FAT3: variants seen among roughly 807,000 people sequenced by gnomAD.
FAT3 encodes FAT atypical cadherin 3.
A neutral mutation model predicts 310.2 loss-of-function variants in FAT3; 95 were observed. The ratio of observed to expected loss-of-function variants is 0.31; its 90% CI spans 0.26 to 0.36. The LOEUF (loss-of-function observed/expected upper bound fraction) is 0.36, where lower values mean the gene tolerates loss of function less well. Ranked by LOEUF, FAT3 falls within the 10% of genes least tolerant of loss-of-function variation. The pLI is 1.00. For synonymous variants in FAT3, 2,314 were observed against 2,192.9 expected, an observed-to-expected ratio of 1.06 and a Z score of -1.54; for missense variants, 5,408 against 5,715.6, an observed-to-expected ratio of 0.95 and a Z score of 1.74.
intron 1 of FAT3, among the ~76,000 whole-genome samples, chr11:92,324,546 G>T (rs1947715639): frequency 6.6e-6 from 1 of 152,146 alleles, no homozygotes; most frequent in African/African-American, 2.4e-5. Flanking sequence ...ATATGGGTGT[G>T]GTTCGTGGGA....
intron 3 of FAT3, among the ~76,000 whole-genome samples, chr11:92,651,854 A>C (rs188810370): frequency 3.9e-5 from 6 of 152,332 alleles, no homozygotes; most frequent in Admixed American, 3.9e-4. Flanking sequence ...TGAACTTCTA[A>C]GTGTTTGACG....
intron 1 of FAT3, among the ~76,000 whole-genome samples, chr11:92,286,156 G>T (rs190831350): frequency 1.3e-5 from 2 of 152,250 alleles, no homozygotes; most frequent in Non-Finnish European, 2.9e-5. Context: ...AGTTTTGGCA[G>T]TGGGGATACA....
chr11:92,273,227 A>T (rs1946177096), intron 1 of FAT3, among the ~76,000 whole-genome samples: 1 of 152,118 alleles, frequency 6.6e-6, no homozygotes, highest in African/African-American at 2.4e-5. Context: ...GTGATGCCAA[A>T]TCTGTTTCTG....
intron 1 of FAT3, among the ~76,000 whole-genome samples, chr11:92,262,516 T>C (rs1249568525): frequency 6.6e-6 from 1 of 152,040 alleles, no homozygotes; most frequent in Non-Finnish European, 1.5e-5. Flanking sequence ...GTCCCTCAGG[T>C]CAGAACTCAG....
intron 1 of FAT3, among the ~76,000 whole-genome samples, chr11:92,291,390 G>A (rs149117535): frequency 1.2e-3 from 181 of 152,146 alleles, no homozygotes; most frequent in African/African-American, 4.0e-3. Context: ...GAGAAGACAG[G>A]GTAAGAATGT....
intron 1 of FAT3, among the ~76,000 whole-genome samples, chr11:92,317,621 G>A (rs1947498674): frequency 1.3e-5 from 2 of 152,314 alleles, no homozygotes; most frequent in South Asian, 4.1e-4. Context: ...TTGTCAGTAA[G>A]TGTATGCCGG....
At chr11:92,302,912 T>A (rs1230869631) in intron 1 of FAT3, among the ~76,000 whole-genome samples, 2 of 152,168 alleles carry the variant, frequency 1.3e-5, no homozygotes, top group African/African-American at 4.8e-5. Context: ...AGATTCAGGC[T>A]TTGTCATCTT....
chr11:92,670,946 TA>T (rs1565500917), intron 3 of FAT3, among the ~76,000 whole-genome samples: 2 of 152,122 alleles, frequency 1.3e-5, no homozygotes, highest in Admixed American at 6.5e-5. Flanking sequence ...GCTATAAAAC[TA>T]AATTTTTAAA....
intron 2 of FAT3, among the ~76,000 whole-genome samples, chr11:92,448,781 G>T (rs1488356381): frequency 6.6e-6 from 1 of 152,136 alleles, no homozygotes; most frequent in African/African-American, 2.4e-5. Flanking sequence ...CTGCTCTTTT[G>T]CATTCAGAAT....
chr11:92,640,708 C>T (rs1364014867), intron 3 of FAT3, among the ~76,000 whole-genome samples: 3 of 152,112 alleles, frequency 2.0e-5, no homozygotes, highest in Non-Finnish European at 4.4e-5. Context: ...TTCAGGTAGG[C>T]CAACTGTATA....
chr11:92,242,685 G>T (rs1254057922), intron 1 of FAT3, among the ~76,000 whole-genome samples: 1 of 151,990 alleles, frequency 6.6e-6, no homozygotes, highest in African/African-American at 2.4e-5. Context: ...TGTTCTGCTT[G>T]TTCATACATG....
At chr11:92,263,688 AT>A (rs1865659588) in intron 1 of FAT3, among the ~76,000 whole-genome samples, 1 of 151,706 alleles carries the variant, frequency 6.6e-6, no homozygotes, top group South Asian at 2.1e-4. Context: ...CATGCTTATA[AT>A]TTTAACTTTA....
intron 2 of FAT3, chr11:92,400,203 G>T (rs1396686557): frequency 6.6e-6 from 1 of 152,130 alleles, no homozygotes; most frequent in Non-Finnish European, 1.5e-5. Flanking sequence ...ATTTCATCAG[G>T]TATTTATTAT....
At chr11:92,432,136 A>G (rs1950799265) in intron 2 of FAT3, among the ~76,000 whole-genome samples, 1 of 152,120 alleles carries the variant, frequency 6.6e-6, no homozygotes, top group African/African-American at 2.4e-5. Flanking sequence ...ATGAGCATGG[A>G]ATGTTCTTCC....
At chr11:92,563,921 G>A (rs4301751) in intron 3 of FAT3, among the ~76,000 whole-genome samples, 19,932 of 151,664 alleles carry the variant, frequency 0.13, 1,427 homozygotes, top group East Asian at 0.29. Flanking sequence ...GGTACCAGCC[G>A]CTGCAAAATC....
At chr11:92,465,306 G>A (rs1428711911) in intron 2 of FAT3, among the ~76,000 whole-genome samples, 1 of 152,156 alleles carries the variant, frequency 6.6e-6, no homozygotes, top group Non-Finnish European at 1.5e-5. Flanking sequence ...TTAAGCCAAT[G>A]CAATTATCAG....
intron 19 of FAT3, among the ~76,000 whole-genome samples, chr11:92,850,924 T>C (rs1948812694): frequency 6.6e-6 from 1 of 152,210 alleles, no homozygotes; most frequent in African/African-American, 2.4e-5. Context: ...GAATTGCCTG[T>C]TGTCACCTCT....
chr11:92,291,405 G>C (rs4134296), intron 1 of FAT3, among the ~76,000 whole-genome samples: 2 of 152,104 alleles, frequency 1.3e-5, no homozygotes, highest in South Asian at 4.1e-4. Flanking sequence ...GAATGTTATA[G>C]ATCACATTTT....
At chr11:92,428,389 G>T (rs1950687033) in intron 2 of FAT3, among the ~76,000 whole-genome samples, 1 of 148,648 alleles carries the variant, frequency 6.7e-6, no homozygotes, top group Non-Finnish European at 1.5e-5. Context: ...CTTCAGTTCT[G>T]CTCTGATCTT....
Sources: allele counts gnomAD v4.1 joint callset (sites outside exome capture counted in the v4.1 genomes callset), GRCh38; gene constraint gnomAD v4.1.1; transcripts MANE v1.5; gene names NCBI Gene and HGNC (gene_info 2026-07-23, HGNC 2026-07-21).